The following AGFG2 variants were observed in gnomAD, a reference collection of about 807,000 sequenced individuals.
AGFG2 encodes ArfGAP with FG repeats 2, also known as arf-GAP domain and FG repeat-containing protein 2.
A neutral mutation model predicts 48.0 loss-of-function variants in AGFG2; 31 were observed. The ratio of observed to expected loss-of-function variants is 0.65; its 90% CI spans 0.49 to 0.87. The LOEUF (loss-of-function observed/expected upper bound fraction) is 0.87. Among genes scored for constraint, AGFG2 ranks in the 40% least tolerant of loss-of-function variants. AGFG2 has a pLI of 0.00. For missense variants in AGFG2, 599 were observed against 632.6 expected (o/e 0.95, Z 0.57); for synonymous variants, 229 against 260.8 (o/e 0.88, Z 1.18).
chr7:100,547,132 T>C (rs1450257847), intron 1 of AGFG2, among the ~76,000 whole-genome samples: 1 of 152,108 alleles, frequency 6.6e-6, no homozygotes, highest in Non-Finnish European at 1.5e-5. Context: ...GCCCTTACTG[T>C]TCACTCTGTA....
At chr7:100,563,279 C>G (rs900872179) in intron 9 of AGFG2, among the ~76,000 whole-genome samples, 1 of 152,220 alleles carries the variant, frequency 6.6e-6, no homozygotes, top group Non-Finnish European at 1.5e-5. Flanking sequence ...AAGCTTAAGC[C>G]ACCTGAAACA....
chr7:100,557,518 A>G (rs1341118984), intron 6 of AGFG2, among the ~76,000 whole-genome samples: 1 of 152,066 alleles, frequency 6.6e-6, no homozygotes, highest in Non-Finnish European at 1.5e-5. Context: ...CTGGAGTGCA[A>G]TGGCGTGATC....
At position 100,539,227 on chromosome 7, in the gene AGFG2, A is replaced by T. The variant is rs1800366448; in HGVS notation, c.-120A>T. ...TGGTGGACGGCGAAGTCTCCTGCGG[A>T]TGCCGCCCGCTCCCGAGCTTCTGTC... On this transcript the variant is annotated 5_prime_UTR_variant, in exon 1 of 12. The change abolishes an upstream ATG in the 5' untranslated region. Transcript: ENST00000300176. The T allele has an allele frequency of 4.8e-6, 5 of 1,049,760 alleles. No individual in the cohort carries two copies. The highest frequency in any genetic ancestry group is 3.2e-5 in the East Asian group (1 of 30,912). The allele number at this position is 1,049,760 out of a possible 1,614,324, so 65.0% of individuals were successfully genotyped here. A position where few individuals can be genotyped will look rare whatever the true frequency, so the allele number is the denominator to read the frequency against.
At position 100,564,945 on chromosome 7, in the gene AGFG2, C is replaced by G; in HGVS notation, c.1400C>G (p.Ser467Ter). 6.2e-7 allele frequency: 1 copy of G among 1,614,154 alleles called. No individual in the cohort carries two copies. Among genetic ancestry groups the G allele is most frequent in the Non-Finnish European group, 8.5e-7 (1 of 1,179,994 alleles). The change falls in exon 12 of 12, where the codon TCA becomes TGA. Residue 467 changes from serine (S) to a stop codon, truncating the protein, a stop_gained. Transcript: ENST00000300176. LOFTEE classifies it high-confidence loss of function. ...CTTTCTTTCCAGACTGGACCCTCAT[C>G]AAGCCCATTCGCCTCCAAACCTCCA... ...STNPFMTGPS[S>*]SPFASKPPTT...
chr7:100,550,368 C>T lies in AGFG2; in HGVS notation c.316-28C>T, dbSNP rs769490472. On this transcript the variant is annotated intron_variant, in intron 2 of 11. Transcript: ENST00000300176. ...TTTTGTATTTCCTGCTTTCTGCTCC[C>T]ACTCCTCTGACACCTTCATTCTTTT... The T allele has an allele frequency of 8.2e-6, 12 of 1,460,412 alleles. No homozygotes were observed. In the East Asian group the frequency reaches 1.9e-4, roughly 23 times the overall value. The allele number at this position is 1,460,412 out of a possible 1,614,324, so 90.5% of individuals were successfully genotyped here.
Position 100,564,645 on chromosome 7 carries a change from A to G in AGFG2, c.1387-287A>G, listed in dbSNP as rs1162102521. ...CAGCCTCCCAAGTAGCAGGGACTAC[A>G]GGTGTGCACCACCGCACATGGCTAA... On this transcript the variant is annotated intron_variant, in intron 11 of 11. Coordinates refer to ENST00000300176, the MANE Select transcript of AGFG2 (RefSeq NM_006076.5). 2.0e-5 allele frequency among the ~76,000 whole-genome samples: 3 copies of G among 151,984 alleles called. No individual in the cohort carries two copies. In the East Asian group the frequency reaches 5.8e-4, roughly 29 times the overall value.
At chr7:100,543,074 T>C (rs1204904870) in intron 1 of AGFG2, among the ~76,000 whole-genome samples, 2 of 152,134 alleles carry the variant, frequency 1.3e-5, no homozygotes, top group Non-Finnish European at 2.9e-5. Context: ...TTATTAATTT[T>C]TTTTTTTGAG....
At position 100,562,632 on chromosome 7, in the gene AGFG2, C is replaced by T; in HGVS notation, c.1037C>T (p.Ser346Phe). The T allele has an allele frequency of 6.2e-7, 1 of 1,612,478 alleles. No individual in the cohort carries two copies. Among genetic ancestry groups the T allele is most frequent in the Non-Finnish European group, 8.5e-7 (1 of 1,179,976 alleles). ...GMAGQVPPLQ[S>F]VTMGGGGGSS... ...GCTGGCCAGGTCCCCCCGCTCCAGT[C>T]TGTCACGATGGGCGGCGGCGGCGGC... is the stretch of plus-strand genomic sequence containing the variant. Residue 346 changes from serine (S) to phenylalanine (F), a missense_variant, in exon 8 of 12, where the codon TCT becomes TTT. Coordinates refer to ENST00000300176, the MANE Select transcript of AGFG2 (RefSeq NM_006076.5). This position sits in a 1 kb window ranked among gnomAD's most constrained non-coding sequence, Gnocchi z 5.4.
intron 4 of AGFG2, 145 bp from the exon 5 acceptor site, chr7:100,553,948 C>G (rs1800702292): frequency 1.0e-6 from 1 of 975,624 alleles, no homozygotes; most frequent in Non-Finnish European, 1.5e-6. Context: ...TAAGGCAGCT[C>G]CTGCCCAGGA....
chr7:100,567,222 GC>G lies in AGFG2; in HGVS notation c.*2233del, dbSNP rs2131131394. ...CTGACACTAGGAGCTGCTCTCCTTG[GC>G]CGGGGACAGCTCCAGCAGCTCAGGC... On this transcript the variant is annotated 3_prime_UTR_variant, in exon 12 of 12. Transcript: ENST00000300176. 6.5e-6 allele frequency: 1 copy of G among 152,720 alleles called. No individual in the cohort carries two copies. Among genetic ancestry groups the G allele is most frequent in the African/African-American group, 2.4e-5 (1 of 41,586 alleles). The allele number at this position is 152,720 out of a possible 1,614,324, so 9.5% of individuals were successfully genotyped here. A position where few individuals can be genotyped will look rare whatever the true frequency, so the allele number is the denominator to read the frequency against.
intron 3 of AGFG2, among the ~76,000 whole-genome samples, chr7:100,552,794 G>A (rs1314425391): frequency 6.6e-6 from 1 of 152,090 alleles, no homozygotes; most frequent in African/African-American, 2.4e-5. Flanking sequence ...AGGATGAGGC[G>A]GCAGGCAGCT....
chr7:100,546,820 GGA>G (rs1310476989), intron 1 of AGFG2, among the ~76,000 whole-genome samples: 9 of 152,162 alleles, frequency 5.9e-5, no homozygotes, highest in African/African-American at 1.9e-4. Flanking sequence ...AGAGGCCTTA[GGA>G]GAGAGAATGG....
intron 6 of AGFG2, among the ~76,000 whole-genome samples, chr7:100,557,624 G>A (rs1231669459): frequency 3.3e-5 from 5 of 151,970 alleles, no homozygotes; most frequent in Middle Eastern, 3.2e-3. Context: ...TAGTAGAGAC[G>A]GGGTTTCACC....
At position 100,563,928 on chromosome 7, in the gene AGFG2, C is replaced by T. The variant is rs1354881839; in HGVS notation, c.1266C>T (p.Phe422=). Residue 422 remains phenylalanine (F), a synonymous_variant, in exon 10 of 12, where the codon TTC becomes TTT. Coordinates refer to ENST00000300176, the MANE Select transcript of AGFG2 (RefSeq NM_006076.5). The part of the protein sequence containing the change: ...AFASSFPAPL[F]PPQTPLVQQQ... The stretch of plus-strand genomic sequence containing the variant: ...CCAGCTCCTTCCCAGCACCGCTGTT[C>T]CCCCCGCAGACCCCGCTTGTTCAGC... 1 of 1,608,610 alleles carries T rather than the reference C, an allele frequency of 6.2e-7. No individual in the cohort carries two copies.
Position 100,553,458 on chromosome 7 carries a change from TC to T in AGFG2, c.545del (p.Pro182LeufsTer215). 1 of 1,610,330 alleles carries T rather than the reference TC, an allele frequency of 6.2e-7. No homozygotes were observed. Among genetic ancestry groups the T allele is most frequent in the Non-Finnish European group, 8.5e-7 (1 of 1,176,948 alleles). ...GKPLRTLLGDPAPSLSVAAST... is the reference protein window; with the variant it reads ...GKPLRTLLGDXAPSLSVAAST... ...AGCCCCTTCGGACACTTCTGGGTGATCCTGCACCGTCTCTCTCAGTTGCTGC... is the reference window on the plus strand; with the variant it reads ...AGCCCCTTCGGACACTTCTGGGTGATCTGCACCGTCTCTCTCAGTTGCTGC... On this transcript the variant is annotated frameshift_variant, in exon 4 of 12. Coordinates refer to ENST00000300176, the MANE Select transcript of AGFG2 (RefSeq NM_006076.5). LOFTEE classifies it high-confidence loss of function.
intron 5 of AGFG2, 82 bp downstream of exon 5, chr7:100,554,340 G>A: frequency 5.4e-6 from 8 of 1,473,948 alleles, no homozygotes; most frequent in Non-Finnish European, 7.3e-6. Context: ...GGTAACCATG[G>A]CTCTAGATCT....
chr7:100,564,070 C>G, intron 10 of AGFG2, 108 bp downstream of exon 10: 1 of 1,558,012 alleles, frequency 6.4e-7, no homozygotes, highest in South Asian at 1.2e-5. Context: ...CCTTTCTGAC[C>G]AGCAGGGGGG....
At chr7:100,539,975 GAAAGCAA>G (rs1389043324) in intron 1 of AGFG2, among the ~76,000 whole-genome samples, 2 of 152,010 alleles carry the variant, frequency 1.3e-5, no homozygotes, top group African/African-American at 2.4e-5. Context: ...CATGCAGGTG[GAAAGCAA>G]AAAGGAAAAA....
At chr7:100,542,354 G>T (rs1440918332) in intron 1 of AGFG2, among the ~76,000 whole-genome samples, 1 of 152,220 alleles carries the variant, frequency 6.6e-6, no homozygotes, top group Non-Finnish European at 1.5e-5. Flanking sequence ...ACTAAACCAG[G>T]GAGTGATTCT....
Sources: allele counts gnomAD v4.1 joint callset (sites outside exome capture counted in the v4.1 genomes callset), GRCh38; gene constraint gnomAD v4.1.1; non-coding constraint Gnocchi (gnomAD v3.1); transcripts MANE v1.5; gene names NCBI Gene and HGNC (gene_info 2026-07-23, HGNC 2026-07-21).